MLLT3: variants seen among roughly 807,000 people sequenced by gnomAD.
MLLT3 encodes the protein protein AF-9.
MLLT3 carries 4 observed loss-of-function variants against 53.2 expected under a neutral mutation model. The observed-to-expected ratio is 0.08, with a 90% CI of 0.04 to 0.17. The LOEUF (loss-of-function observed/expected upper bound fraction) is 0.17, where lower values mean the gene tolerates loss of function less well. Ranked by LOEUF, MLLT3 falls within the 10% of genes least tolerant of loss-of-function variation. The pLI is 1.00. For synonymous variants in MLLT3, 283 were observed against 230.6 expected (o/e 1.23, Z -2.06); for missense variants, 569 against 684.0 (o/e 0.83, Z 1.87).
chr9:20,608,521 C>G (rs1820624451), intron 2 of MLLT3, among the ~76,000 whole-genome samples: 1 of 151,862 alleles, frequency 6.6e-6, no homozygotes, highest in South Asian at 2.1e-4. Flanking sequence ...ACTTTTATAA[C>G]TTCAATACAA....
chr9:20,355,032 A>G (rs540825689), intron 8 of MLLT3, among the ~76,000 whole-genome samples, 153 bp from the exon 9 acceptor site: 56 of 151,446 alleles, frequency 3.7e-4, no homozygotes, highest in Admixed American at 7.2e-4. Flanking sequence ...TCTTCTCTCT[A>G]ATCTTATTTT....
At chr9:20,386,617 C>T (rs1190603197) in intron 5 of MLLT3, among the ~76,000 whole-genome samples, 5 of 152,192 alleles carry the variant, frequency 3.3e-5, no homozygotes, top group Non-Finnish European at 5.9e-5. Context: ...CAGACTCCAT[C>T]CCATGGATGC....
intron 4 of MLLT3, among the ~76,000 whole-genome samples, chr9:20,423,691 G>C (rs930736404): frequency 2.0e-5 from 3 of 151,662 alleles, no homozygotes; most frequent in African/African-American, 7.3e-5. Flanking sequence ...GCATGTGCCT[G>C]TAGTCCCAGC....
intron 2 of MLLT3, among the ~76,000 whole-genome samples, chr9:20,483,698 C>CTT (rs10538657): frequency 1.3e-3 from 90 of 68,900 alleles, no homozygotes; most frequent in African/African-American, 2.5e-3. Context: ...CAGTAAAACT[C>CTT]TTTTTTTTTT....
At chr9:20,460,741 C>T (rs1824085089) in intron 2 of MLLT3, among the ~76,000 whole-genome samples, 1 of 152,166 alleles carries the variant, frequency 6.6e-6, no homozygotes, top group South Asian at 2.1e-4. Context: ...ACTGATTTAC[C>T]ACTGCCAAAG....
chr9:20,388,172 C>CTTGA (rs149043980), intron 5 of MLLT3, among the ~76,000 whole-genome samples: 6,487 of 152,256 alleles, frequency 0.043, 393 homozygotes, highest in African/African-American at 0.14. Flanking sequence ...AAAATATGTA[C>CTTGA]TTGTTTCTTT....
intron 2 of MLLT3, among the ~76,000 whole-genome samples, chr9:20,589,587 TA>T (rs10609995): frequency 0.44 from 64,924 of 149,240 alleles, 14,408 homozygotes; most frequent in Middle Eastern, 0.49. Context: ...AGTATAATAA[TA>T]AAAAAAAAAA....
intron 2 of MLLT3, among the ~76,000 whole-genome samples, chr9:20,501,547 C>G (rs1247682082): frequency 6.6e-6 from 1 of 150,978 alleles, no homozygotes; most frequent in Admixed American, 6.6e-5. Context: ...GTCAGGAGAT[C>G]GAGACCATCC....
At chr9:20,489,561 A>C (rs991938234) in intron 2 of MLLT3, among the ~76,000 whole-genome samples, 1 of 152,214 alleles carries the variant, frequency 6.6e-6, no homozygotes, top group Non-Finnish European at 1.5e-5. Context: ...AGACGTTAAC[A>C]GAACCCTTCT....
At chr9:20,554,176 G>C (rs1454879734) in intron 2 of MLLT3, among the ~76,000 whole-genome samples, 5 of 152,032 alleles carry the variant, frequency 3.3e-5, no homozygotes, top group African/African-American at 7.2e-5. Context: ...TCATTAAAGA[G>C]ACATTAACAA....
intron 2 of MLLT3, among the ~76,000 whole-genome samples, chr9:20,520,139 GC>G (rs1321540712): frequency 6.6e-6 from 1 of 152,148 alleles, no homozygotes; most frequent in African/African-American, 2.4e-5. Context: ...ATAAGTGGGA[GC>G]TAAATGATGA....
intron 10 of MLLT3, among the ~76,000 whole-genome samples, chr9:20,352,623 G>C (rs144480871): frequency 1.3e-5 from 2 of 151,010 alleles, no homozygotes; most frequent in Admixed American, 1.3e-4. Context: ...GGCCAGTCAG[G>C]AAACTTGGCA....
At chr9:20,510,893 G>A (rs576471264) in intron 2 of MLLT3, among the ~76,000 whole-genome samples, 48 of 152,082 alleles carry the variant, frequency 3.2e-4, no homozygotes, top group Non-Finnish European at 6.2e-4. Flanking sequence ...TGCCATTACT[G>A]CTTAAAAGAA....
intron 4 of MLLT3, among the ~76,000 whole-genome samples, chr9:20,414,701 T>C (rs1822828716): frequency 6.6e-6 from 1 of 152,194 alleles, no homozygotes; most frequent in Non-Finnish European, 1.5e-5. Context: ...ATTCAACAAA[T>C]GTTAACTACT....
intron 4 of MLLT3, 145 bp downstream of exon 4, chr9:20,447,978 C>T: frequency 2.6e-6 from 2 of 784,134 alleles, no homozygotes; most frequent in Non-Finnish European, 4.0e-6. Context: ...CATGAATCCA[C>T]AGCTAAGCCA....
At chr9:20,601,068 T>G (rs1820409432) in intron 2 of MLLT3, among the ~76,000 whole-genome samples, 1 of 152,224 alleles carries the variant, frequency 6.6e-6, no homozygotes, top group Admixed American at 6.5e-5. Flanking sequence ...CAGACTCAGA[T>G]TGCTCTAGGG....
At chr9:20,589,599 G>A (rs145314120) in intron 2 of MLLT3, among the ~76,000 whole-genome samples, 1 of 102,974 alleles carries the variant, frequency 9.7e-6, no homozygotes, top group African/African-American at 3.4e-5. Context: ...AAAAAAAAAA[G>A]AAAATTTTTT....
chr9:20,620,994 TCCA>T lies in MLLT3; in HGVS notation c.13-163_13-161del, dbSNP rs1820987821. ...GTTTCACGCGCGTGGGCGCGCACAC[TCCA>T]CACCCCCAAATATACCCGCCCGCCC... is the stretch of plus-strand genomic sequence containing the variant. On this transcript the variant is annotated intron_variant, in intron 1 of 10. Coordinates refer to ENST00000380338, the MANE Select transcript of MLLT3 (RefSeq NM_004529.4). The surrounding 1 kb of genome is among the most constrained non-coding windows in gnomAD (Gnocchi z 6.1). The T allele has an allele frequency of 2.2e-6, 2 of 889,442 alleles. No homozygotes were observed. The highest frequency in any genetic ancestry group is 1.7e-5 in the African/African-American group (1 of 60,446). The allele number at this position is 889,442 out of a possible 1,614,324, so 55.1% of individuals were successfully genotyped here. A position where few individuals can be genotyped will look rare whatever the true frequency, so the allele number is the denominator to read the frequency against.
chr9:20,550,824 C>A (rs1352992796), intron 2 of MLLT3, among the ~76,000 whole-genome samples: 3 of 152,320 alleles, frequency 2.0e-5, no homozygotes, highest in East Asian at 1.9e-4. Context: ...GTGGCATGAT[C>A]ATAGCTCACT....
Sources: allele counts gnomAD v4.1 joint callset (sites outside exome capture counted in the v4.1 genomes callset), GRCh38; gene constraint gnomAD v4.1.1; non-coding constraint Gnocchi (gnomAD v3.1); transcripts MANE v1.5; gene names NCBI Gene and HGNC (gene_info 2026-07-23, HGNC 2026-07-21).